CSMD3: variants seen among roughly 807,000 people sequenced by gnomAD.
The protein encoded by CSMD3 is CUB and Sushi multiple domains 3.
In CSMD3, 177 loss-of-function variants were observed where a neutral mutation model predicts 435.2. That is an observed-to-expected ratio of 0.41 (90% CI 0.36 to 0.46). The LOEUF (loss-of-function observed/expected upper bound fraction) is 0.46, where lower values mean the gene tolerates loss of function less well. Ranked by LOEUF, CSMD3 falls within the 20% of genes least tolerant of loss-of-function variation. The probability of loss-of-function intolerance (pLI) is 0.34; values close to 1 mark genes in which losing one functional copy is unlikely to be tolerated. For synonymous variants in CSMD3, 1,656 were observed against 1,520.5 expected, an observed-to-expected ratio of 1.09 and a Z score of -2.07; for missense variants, 4,265 against 4,504.6, an observed-to-expected ratio of 0.95 and a Z score of 1.52.
chr8:112,717,700 A>T lies in CSMD3; in HGVS notation c.1973-27650T>A, dbSNP rs112573681. ...ATGATAGACTGAATAAAGAAAATGTAGTACATATACACCATGGAATACTAT... is the reference window on the plus strand; with the variant it reads ...ATGATAGACTGAATAAAGAAAATGTTGTACATATACACCATGGAATACTAT... On this transcript the variant is annotated intron_variant, in intron 13 of 70. Coordinates refer to ENST00000297405, the MANE Select transcript of CSMD3 (RefSeq NM_198123.2). 2.6e-4 allele frequency among the ~76,000 whole-genome samples: 39 copies of T among 152,244 alleles called. 1 individual carries two copies. Among genetic ancestry groups the T allele is most frequent in the African/African-American group, 8.4e-4 (35 of 41,560 alleles).
intron 6 of CSMD3, among the ~76,000 whole-genome samples, chr8:113,012,304 A>T (rs918481892): frequency 5.3e-5 from 8 of 151,676 alleles, no homozygotes; most frequent in South Asian, 2.1e-4. Context: ...ATACTATGAA[A>T]ATATATATAT....
chr8:112,365,923 T>C (rs1827744877), intron 38 of CSMD3, among the ~76,000 whole-genome samples: 2 of 152,116 alleles, frequency 1.3e-5, no homozygotes, highest in African/African-American at 2.4e-5. Context: ...ACAATTCCAC[T>C]CAAGGGATGC....
At chr8:112,629,005 T>C (rs920465598) in intron 22 of CSMD3, among the ~76,000 whole-genome samples, 27 of 152,162 alleles carry the variant, frequency 1.8e-4, no homozygotes, top group Admixed American at 1.6e-3. Context: ...TCTGACTCCA[T>C]AGTTTGGTTT....
At chr8:112,598,158 A>G (rs1257403755) in intron 22 of CSMD3, among the ~76,000 whole-genome samples, 1 of 141,890 alleles carries the variant, frequency 7.0e-6, no homozygotes, top group Non-Finnish European at 1.5e-5. Flanking sequence ...CTGATAAGCA[A>G]CTTCAGCAAA....
chr8:113,385,468 T>C (rs1000911210), intron 1 of CSMD3, among the ~76,000 whole-genome samples: 9 of 152,100 alleles, frequency 5.9e-5, no homozygotes, highest in Non-Finnish European at 1.2e-4. Context: ...AATCCATACA[T>C]GCACCTTGAA....
chr8:112,386,749 G>C (rs1030199096), intron 36 of CSMD3, among the ~76,000 whole-genome samples: 1 of 151,688 alleles, frequency 6.6e-6, no homozygotes, highest in Non-Finnish European at 1.5e-5. Context: ...CGCCCGCCTC[G>C]GCCCCCCAAA....
At chr8:112,445,402 G>C (rs543140552) in intron 32 of CSMD3, among the ~76,000 whole-genome samples, 2 of 152,196 alleles carry the variant, frequency 1.3e-5, no homozygotes, top group African/African-American at 2.4e-5. Context: ...GATACATGGC[G>C]CTGGCATCTG....
chr8:112,702,318 G>T (rs2076405573), intron 13 of CSMD3, among the ~76,000 whole-genome samples: 1 of 152,034 alleles, frequency 6.6e-6, no homozygotes, highest in Non-Finnish European at 1.5e-5. Flanking sequence ...TAATATTCAA[G>T]AAACAGTTGT....
At chr8:113,101,481 T>C (rs1376718515) in intron 4 of CSMD3, among the ~76,000 whole-genome samples, 5 of 152,060 alleles carry the variant, frequency 3.3e-5, no homozygotes, top group East Asian at 1.9e-4. Flanking sequence ...TAATATATTA[T>C]ATTCCGTAAG....
At chr8:112,616,414 C>T (rs1833667035) in intron 22 of CSMD3, among the ~76,000 whole-genome samples, 1 of 152,068 alleles carries the variant, frequency 6.6e-6, no homozygotes, top group Non-Finnish European at 1.5e-5. Context: ...TCGAACTGCA[C>T]AGCACTCCTA....
At position 113,311,330 on chromosome 8, in the gene CSMD3, G is replaced by A. The variant is rs188135506; in HGVS notation, c.401+3241C>T. 24 of 152,046 alleles carry A rather than the reference G, an allele frequency of 1.6e-4. No individual in the cohort carries two copies. The East Asian group carries it at 4.1e-3, about 26-fold the overall frequency. 9.4% of individuals were successfully genotyped at this position (152,046 alleles called of 1,614,324 possible). Reference sequence around the variant, plus strand: ...ACAAGTAATATCATTAATCATTGGAGGCTTAGAGTACAGTTTTTAAAATAT... The same window carrying A: ...ACAAGTAATATCATTAATCATTGGAAGCTTAGAGTACAGTTTTTAAAATAT... On this transcript the variant is annotated intron_variant, in intron 2 of 70. Coordinates refer to ENST00000297405, the MANE Select transcript of CSMD3 (RefSeq NM_198123.2).
At chr8:112,599,586 A>G (rs1439404828) in intron 22 of CSMD3, among the ~76,000 whole-genome samples, 1 of 149,950 alleles carries the variant, frequency 6.7e-6, no homozygotes, top group African/African-American at 2.4e-5. Flanking sequence ...TTATTGCGGC[A>G]TTATTCACAA....
At chr8:113,253,471 G>T (rs2093351888) in intron 3 of CSMD3, among the ~76,000 whole-genome samples, 1 of 147,758 alleles carries the variant, frequency 6.8e-6, no homozygotes, top group South Asian at 2.1e-4. Flanking sequence ...ATTTAAAACT[G>T]TTTTTTTTTT....
At chr8:112,483,806 G>C (rs1178466512) in intron 31 of CSMD3, among the ~76,000 whole-genome samples, 1 of 152,158 alleles carries the variant, frequency 6.6e-6, no homozygotes, top group East Asian at 1.9e-4. Flanking sequence ...TCCCTTGACA[G>C]AGGTAGGAAT....
intron 10 of CSMD3, among the ~76,000 whole-genome samples, chr8:112,884,691 C>G (rs764659978): frequency 6.6e-6 from 1 of 151,022 alleles, no homozygotes; most frequent in Non-Finnish European, 1.5e-5. Flanking sequence ...TTTTTTCCAC[C>G]TAATCTCTTT....
At chr8:112,586,322 T>C (rs1830727255) in intron 23 of CSMD3, among the ~76,000 whole-genome samples, 1 of 151,434 alleles carries the variant, frequency 6.6e-6, no homozygotes, top group Non-Finnish European at 1.5e-5. Flanking sequence ...CATAACTATT[T>C]TAAAAACATT....
chr8:112,443,249 T>A (rs965176121), intron 32 of CSMD3, among the ~76,000 whole-genome samples: 1 of 152,154 alleles, frequency 6.6e-6, no homozygotes, highest in African/African-American at 2.4e-5. Context: ...AAGGCCTAAC[T>A]CTGATTCGTG....
At chr8:112,401,690 C>A (rs767876398) in intron 35 of CSMD3, among the ~76,000 whole-genome samples, 12 of 152,058 alleles carry the variant, frequency 7.9e-5, no homozygotes, top group Non-Finnish European at 1.3e-4. Context: ...CACTGTCCTC[C>A]TAAATGGTAT....
At chr8:112,630,767 A>G (rs1185213571) in intron 22 of CSMD3, among the ~76,000 whole-genome samples, 1 of 152,138 alleles carries the variant, frequency 6.6e-6, no homozygotes, top group Non-Finnish European at 1.5e-5. Flanking sequence ...AAGAGTGCAG[A>G]AAGAAAGGCT....
Sources: gnomAD v4.1 joint callset for allele counts (sites outside exome capture counted in the v4.1 genomes callset) on GRCh38, gnomAD v4.1.1 for gene constraint, MANE v1.5 for transcripts, NCBI Gene and HGNC (gene_info 2026-07-23, HGNC 2026-07-21) for gene names.